Variants in PRKD1 observed in about 807,000 individuals in gnomAD.
The protein encoded by PRKD1 is serine/threonine-protein kinase D1.
A neutral mutation model predicts 95.9 loss-of-function variants in PRKD1; 63 were observed. That is an observed-to-expected ratio of 0.66 (90% CI 0.54 to 0.81). The LOEUF (loss-of-function observed/expected upper bound fraction) is 0.81, where lower values mean the gene tolerates loss of function less well. PRKD1 is among the 30% of genes least tolerant of loss of function. The probability of loss-of-function intolerance (pLI) is 0.00; values close to 1 mark genes in which losing one functional copy is unlikely to be tolerated. For missense variants in PRKD1, 1,048 were observed against 1,165.3 expected, an observed-to-expected ratio of 0.90 and a Z score of 1.47; for synonymous variants, 425 against 423.1, an observed-to-expected ratio of 1.00 and a Z score of -0.05.
At chr14:29,872,853 C>T (rs1322860212) in intron 1 of PRKD1, among the ~76,000 whole-genome samples, 3 of 152,084 alleles carry the variant, frequency 2.0e-5, no homozygotes, top group African/African-American at 7.2e-5. Flanking sequence ...TACTTGAGAT[C>T]AAAGAGCCAT....
intron 1 of PRKD1, among the ~76,000 whole-genome samples, chr14:29,820,791 G>C (rs1359773388): frequency 6.6e-6 from 1 of 152,132 alleles, no homozygotes; most frequent in Non-Finnish European, 1.5e-5. Context: ...AAAGGGAAGG[G>C]AGAAAAGGAA....
At chr14:29,837,699 A>G (rs183336537) in intron 1 of PRKD1, among the ~76,000 whole-genome samples, 53 of 152,326 alleles carry the variant, frequency 3.5e-4, no homozygotes, top group African/African-American at 1.3e-3. Context: ...AATTATAGCA[A>G]TATATACAGC....
intron 1 of PRKD1, among the ~76,000 whole-genome samples, chr14:29,770,590 A>G (rs373302099): frequency 1.0e-3 from 157 of 152,328 alleles, no homozygotes; most frequent in African/African-American, 3.6e-3. Flanking sequence ...GGGGCAAAAA[A>G]TCTGGTTGAA....
intron 13 of PRKD1, among the ~76,000 whole-genome samples, chr14:29,609,056 C>T (rs1006847795): frequency 6.6e-6 from 1 of 152,160 alleles, no homozygotes; most frequent in East Asian, 1.9e-4. Context: ...TTGACTGTTA[C>T]ATCAACGAGG....
chr14:29,704,780 A>AT (rs1269226115), intron 2 of PRKD1, among the ~76,000 whole-genome samples: 4 of 152,016 alleles, frequency 2.6e-5, no homozygotes, highest in Middle Eastern at 3.2e-3. Flanking sequence ...TAAATGAGTT[A>AT]TTTTTTTCTC....
At chr14:29,701,294 T>C (rs1401537532) in intron 2 of PRKD1, among the ~76,000 whole-genome samples, 1 of 152,138 alleles carries the variant, frequency 6.6e-6, no homozygotes, top group Non-Finnish European at 1.5e-5. Context: ...TCAGAACCTA[T>C]AGGAGTGAGG....
intron 17 of PRKD1, 133 bp from the exon 18 acceptor site, chr14:29,577,589 G>A (rs929297172): frequency 4.5e-5 from 38 of 838,004 alleles, no homozygotes; most frequent in African/African-American, 6.7e-5. Context: ...CTTTCATCAC[G>A]CATCCTCAAG....
intron 1 of PRKD1, among the ~76,000 whole-genome samples, chr14:29,791,514 G>C (rs1399592237): frequency 6.6e-6 from 1 of 152,046 alleles, no homozygotes; most frequent in South Asian, 2.1e-4. Flanking sequence ...GACAACCACT[G>C]ATCTGCTTTT....
At chr14:29,767,896 G>T (rs1422842935) in intron 1 of PRKD1, among the ~76,000 whole-genome samples, 1 of 152,140 alleles carries the variant, frequency 6.6e-6, no homozygotes, top group African/African-American at 2.4e-5. Flanking sequence ...ATTAACAATT[G>T]TTGCTTTTGA....
chr14:29,773,311 T>TTAGC (rs1420513507), intron 1 of PRKD1, among the ~76,000 whole-genome samples: 2 of 151,838 alleles, frequency 1.3e-5, no homozygotes, highest in African/African-American at 4.8e-5. Context: ...AATACAAAAA[T>TTAGC]TAGCTGGGCA....
intron 1 of PRKD1, among the ~76,000 whole-genome samples, chr14:29,891,657 G>GT (rs1893940883): frequency 1.3e-5 from 2 of 150,684 alleles, no homozygotes; most frequent in African/African-American, 4.9e-5. Context: ...AAATTTTTGG[G>GT]GTTTTTTTTT....
At chr14:29,701,782 G>A (rs1884855824) in intron 2 of PRKD1, among the ~76,000 whole-genome samples, 1 of 152,016 alleles carries the variant, frequency 6.6e-6, no homozygotes, top group Admixed American at 6.6e-5. Flanking sequence ...GATCCTTCAT[G>A]TTGGTAACTA....
intron 1 of PRKD1, among the ~76,000 whole-genome samples, chr14:29,807,772 A>G (rs1890296398): frequency 6.6e-6 from 1 of 151,166 alleles, no homozygotes; most frequent in Non-Finnish European, 1.5e-5. Flanking sequence ...CCAGGCTGGA[A>G]TGCTGTGGCA....
intron 4 of PRKD1, among the ~76,000 whole-genome samples, chr14:29,661,538 G>A (rs1484850615): frequency 6.6e-6 from 1 of 152,164 alleles, no homozygotes; most frequent in Non-Finnish European, 1.5e-5. Flanking sequence ...AGACATGAAA[G>A]GGAACAAAGG....
Position 29,922,170 on chromosome 14 carries a change from A to G in PRKD1, c.264+5079T>C, listed in dbSNP as rs571799591. Among the ~76,000 whole-genome samples the G allele has an allele frequency of 1.7e-3, 266 of 152,120 alleles. 3 individuals carry two copies. In the South Asian group the frequency reaches 0.023, roughly 13 times the overall value. ...CAAAAAAATAGCAGTGCATGGTGGC[A>G]GGCGCCTGTAGTCCCAGCTACTTGG... On this transcript the variant is annotated intron_variant, in intron 1 of 17. Transcript: ENST00000331968.
intron 13 of PRKD1, among the ~76,000 whole-genome samples, chr14:29,615,195 T>G (rs1031115041): frequency 7.2e-5 from 11 of 152,148 alleles, no homozygotes; most frequent in Non-Finnish European, 1.6e-4. Context: ...TTTAAAAGAA[T>G]AGTTAATAAA....
intron 1 of PRKD1, among the ~76,000 whole-genome samples, chr14:29,788,619 T>G (rs1182859868): frequency 1.3e-5 from 2 of 152,166 alleles, no homozygotes; most frequent in Non-Finnish European, 2.9e-5. Flanking sequence ...TTTCTTTTCT[T>G]AATTGTGGCT....
At chr14:29,619,769 T>C (rs1879121468) in intron 13 of PRKD1, among the ~76,000 whole-genome samples, 1 of 152,156 alleles carries the variant, frequency 6.6e-6, no homozygotes, top group African/African-American at 2.4e-5. Flanking sequence ...AACTTCACTG[T>C]CTCAGGATAC....
chr14:29,860,844 A>C (rs967625866), intron 1 of PRKD1, among the ~76,000 whole-genome samples: 3 of 152,148 alleles, frequency 2.0e-5, no homozygotes, highest in Non-Finnish European at 1.5e-5. Flanking sequence ...TAATAAGTTG[A>C]CTCAAATTTA....
Sources: gnomAD v4.1 joint callset for allele counts (sites outside exome capture counted in the v4.1 genomes callset) on GRCh38, gnomAD v4.1.1 for gene constraint, MANE v1.5 for transcripts, NCBI Gene and HGNC (gene_info 2026-07-23, HGNC 2026-07-21) for gene names.